KALRN: variants seen among roughly 807,000 people sequenced by gnomAD.
KALRN encodes the protein kalirin RhoGEF kinase, also known as kalirin.
In KALRN, 70 loss-of-function variants were observed where a neutral mutation model predicts 353.7. The ratio of observed to expected loss-of-function variants is 0.20; its 90% CI spans 0.16 to 0.24. The LOEUF is 0.24. Among genes scored for constraint, KALRN ranks in the 10% least tolerant of loss-of-function variants. KALRN has a pLI of 1.00. For synonymous variants in KALRN, 1,391 were observed against 1,434.8 expected (o/e 0.97, Z 0.69); for missense variants, 2,791 against 3,756.7 (o/e 0.74, Z 6.72).
intron 17 of KALRN, among the ~76,000 whole-genome samples, chr3:124,434,772 G>GA (rs2093404555): frequency 6.6e-6 from 1 of 152,242 alleles, no homozygotes; most frequent in Non-Finnish European, 1.5e-5. Context: ...TGTTGAAATA[G>GA]AAATTGGGTG....
chr3:124,310,312 T>G (rs2078126638), intron 6 of KALRN, among the ~76,000 whole-genome samples: 1 of 152,200 alleles, frequency 6.6e-6, no homozygotes, highest in African/African-American at 2.4e-5. Flanking sequence ...TTAGAAGACT[T>G]AATATTGTTA....
chr3:124,403,067 T>C (rs1181976421), intron 13 of KALRN, among the ~76,000 whole-genome samples: 1 of 152,206 alleles, frequency 6.6e-6, no homozygotes, highest in East Asian at 1.9e-4. Flanking sequence ...TAATTTGAAA[T>C]GTGCTGAAAG....
intron 5 of KALRN, among the ~76,000 whole-genome samples, chr3:124,297,563 C>G (rs527688474): frequency 6.6e-6 from 1 of 152,320 alleles, no homozygotes; most frequent in African/African-American, 2.4e-5. Flanking sequence ...AACCATTTTT[C>G]TCTTCCCTTC....
At chr3:124,311,604 G>A (rs1338423139) in intron 6 of KALRN, among the ~76,000 whole-genome samples, 3 of 152,190 alleles carry the variant, frequency 2.0e-5, no homozygotes, top group Admixed American at 6.5e-5. Flanking sequence ...AATAGTTAGA[G>A]TTGCCATATG....
rs151193964 is a variant in KALRN at position 124,676,724 on chromosome 3, C to G, written c.7194-1466C>G. Among the ~76,000 whole-genome samples, 680 of 152,320 alleles carry G rather than the reference C, an allele frequency of 4.5e-3. 2 individuals carry two copies. The highest frequency in any genetic ancestry group is 6.6e-3 in the Non-Finnish European group (452 of 68,032). ...CTGGGAGTCCTTTCAGCAGGGATCT[C>G]CCTGACTCAAGTTGTTCTCAGAAGG... On this transcript the variant is annotated intron_variant, in intron 49 of 59. Coordinates refer to ENST00000682506, the MANE Select transcript of KALRN (RefSeq NM_001388419.1).
rs1175482214 is a variant in KALRN at position 124,442,008 on chromosome 3, A to G, written c.3262A>G (p.Ser1088Gly). Residue 1088 changes from serine (S) to glycine (G), a missense_variant, in exon 19 of 60, where the codon AGC (serine) becomes GGC (glycine). Physicochemically the swap from Ser to Gly is moderately conservative, Grantham distance 56 (BLOSUM62 0). This residue lies in a region of KALRN where 268 missense variants were observed against 347.0 expected (regional missense o/e 0.77). Transcript: ENST00000682506. Reference sequence around the variant, plus strand: ...CAAGTACATCCACAGGAACAACGTCAGCATGCCCAGTGTCGCCAGCCACAC... The same window carrying G: ...CAAGTACATCCACAGGAACAACGTCGGCATGCCCAGTGTCGCCAGCCACAC... ...FLKYIHRNNV[S>G]MPSVASHTRG... is the part of the protein sequence containing the mutation. 6.2e-7 allele frequency: 1 copy of G among 1,607,812 alleles called. No homozygotes were observed. Among genetic ancestry groups the G allele is most frequent in the Non-Finnish European group, 8.5e-7 (1 of 1,175,232 alleles).
At position 124,271,551 on chromosome 3, in the gene KALRN, T is replaced by G. The variant is rs528450544; in HGVS notation, c.969+2296T>G. On this transcript the variant is annotated intron_variant, in intron 5 of 59. Coordinates refer to ENST00000682506, the MANE Select transcript of KALRN (RefSeq NM_001388419.1). The stretch of plus-strand genomic sequence containing the variant: ...AATTACTACTTTACAGTTGAAGAAA[T>G]GGAAACTCAGAGAGGTGAAGTGGCT... 5.9e-5 allele frequency among the ~76,000 whole-genome samples: 9 copies of G among 152,314 alleles called. No homozygotes were observed. The East Asian group carries it at 1.7e-3, about 29-fold the overall frequency.
In KALRN at chr3:124,334,314, G is replaced by A; in HGVS notation, c.1466G>A (p.Ser489Asn). 1 of 1,614,234 alleles carries A rather than the reference G, an allele frequency of 6.2e-7. No individual in the cohort carries two copies. Among genetic ancestry groups the A allele is most frequent in the Non-Finnish European group, 8.5e-7 (1 of 1,180,040 alleles). ...CTTGATGTGCTGCAGCGGCCCCTGA[G>A]CCCTGGGAACTCCGAATCCCTCACG... ...ALLDVLQRPL[S>N]PGNSESLTAT... The change falls in exon 9 of 60, where the codon AGC becomes AAC. Residue 489 changes from serine (S) to asparagine (N), a missense_variant. This residue lies in a region of KALRN where 366 missense variants were observed against 489.2 expected (regional missense o/e 0.75). Transcript: ENST00000682506. The surrounding 1 kb of genome is among the most constrained non-coding windows in gnomAD (Gnocchi z 4.2).
chr3:124,674,438 A>C lies in KALRN; in HGVS notation c.7017A>C (p.Glu2339Asp). ...ATTACTATGCACTGAAGGAGAATGAAATCTGTGTGAGCCAAGGTGAGGTGG... is the reference window on the plus strand; with the variant it reads ...ATTACTATGCACTGAAGGAGAATGACATCTGTGTGAGCCAAGGTGAGGTGG... ...IKDYYALKEN[E>D]ICVSQGEVVQ... Residue 2339 changes from glutamate (E) to aspartate (D), a missense_variant, in exon 49 of 60, where the codon GAA becomes GAC. Glu to Asp is a conservative substitution (Grantham distance 45). Coordinates refer to ENST00000682506, the MANE Select transcript of KALRN (RefSeq NM_001388419.1). 6.2e-7 allele frequency: 1 copy of C among 1,614,026 alleles called. No individual in the cohort carries two copies. Among genetic ancestry groups the C allele is most frequent in the Non-Finnish European group, 8.5e-7 (1 of 1,179,984 alleles).
In KALRN at chr3:124,666,453, C is replaced by T. The variant is rs2085638333; in HGVS notation, c.6350C>T (p.Thr2117Ile). The change falls in exon 46 of 60, where the codon ACT (threonine) becomes ATT (isoleucine). Residue 2117 changes from threonine to isoleucine, a missense_variant. Coordinates refer to ENST00000682506, the MANE Select transcript of KALRN (RefSeq NM_001388419.1). ...CCCAGCCCGTCTTTCCTTCAGGGCA[C>T]TCTGACTGCTCAGGGGAAGCTGCTG... ...NLGRLQGFEG[T>I]LTAQGKLLQQ... 3 of 1,613,926 alleles carry T rather than the reference C, an allele frequency of 1.9e-6. No homozygotes were observed. The highest frequency in any genetic ancestry group is 2.5e-6 in the Non-Finnish European group (3 of 1,179,840).
At chr3:124,433,610 A>G (rs1379083560) in intron 16 of KALRN, among the ~76,000 whole-genome samples, 1 of 151,254 alleles carries the variant, frequency 6.6e-6, no homozygotes, top group African/African-American at 2.4e-5. Context: ...AAAAAAAAAA[A>G]AAAAAAGGAA....
At chr3:124,235,572 G>A (rs564105066) in intron 3 of KALRN, among the ~76,000 whole-genome samples, 3 of 152,128 alleles carry the variant, frequency 2.0e-5, no homozygotes, top group Non-Finnish European at 4.4e-5. Flanking sequence ...AGAGCCCTGA[G>A]GAGCAATCTA....
rs138681980 is a variant in KALRN, at chr3:124,690,749, G to A, written c.7378-3055G>A. ...CTGCACTTCCTCCAGGGTTTTGGAG[G>A]AGCACATGAAGGAGTTTGTGAGTAG... On this transcript the variant is annotated intron_variant, in intron 51 of 59. Transcript: ENST00000682506. 2.0e-4 allele frequency among the ~76,000 whole-genome samples: 31 copies of A among 152,322 alleles called. No homozygotes were observed. In the East Asian group the frequency reaches 5.8e-3, roughly 28 times the overall value.
intron 50 of KALRN, 35 bp downstream of exon 50, chr3:124,678,348 G>A (rs754853877): frequency 9.3e-6 from 15 of 1,608,680 alleles, no homozygotes; most frequent in Non-Finnish European, 1.3e-5. Flanking sequence ...GTCCCCACCT[G>A]TCATCCACTC....
At chr3:124,610,958 C>T (rs1385973497) in intron 34 of KALRN, among the ~76,000 whole-genome samples, 1 of 152,098 alleles carries the variant, frequency 6.6e-6, no homozygotes, top group South Asian at 2.1e-4. Context: ...CCTGGGAGAT[C>T]GAGACTGCAG....
At chr3:124,113,098 G>A (rs1051598894) in intron 1 of KALRN, among the ~76,000 whole-genome samples, 1 of 152,178 alleles carries the variant, frequency 6.6e-6, no homozygotes, top group Non-Finnish European at 1.5e-5. Flanking sequence ...TTTTCAGGCA[G>A]TATGCTGAGT....
chr3:124,063,807 G>C (rs1172478902), intron 1 of KALRN, among the ~76,000 whole-genome samples: 1 of 152,110 alleles, frequency 6.6e-6, no homozygotes, highest in Non-Finnish European at 1.5e-5. Context: ...AGCATGTCTC[G>C]AGGGTGTTCC....
At position 124,632,639 on chromosome 3, in the gene KALRN, G is replaced by T. The variant is rs758392093; in HGVS notation, c.5402G>T (p.Ser1801Ile). 4.3e-6 allele frequency: 7 copies of T among 1,614,070 alleles called. No homozygotes were observed. The African/African-American group carries it at 8.0e-5, about 18-fold the overall frequency. Residue 1801 changes from serine to isoleucine, a missense_variant, in exon 35 of 60, where the codon AGC becomes ATC. This residue lies in a region of KALRN where 1,065 missense variants were observed against 1,156.4 expected (regional missense o/e 0.92). Transcript: ENST00000682506. ...AAGAAAGTTCGCGATGGTCGGAAGA[G>T]CTTTGACCTGGGATCTCCCAAGCCT... Reference protein sequence around the residue: ...KQKKVRDGRKSFDLGSPKPGD... With the variant: ...KQKKVRDGRKIFDLGSPKPGD...
At chr3:124,496,274 C>A (rs940747086) in intron 32 of KALRN, 37 bp from the exon 33 acceptor site, 22 of 1,527,636 alleles carry the variant, frequency 1.4e-5, no homozygotes, top group African/African-American at 5.5e-5. Context: ...TGGTTCCCCC[C>A]ACCCCCACCC....
Sources: allele counts gnomAD v4.1 joint callset (sites outside exome capture counted in the v4.1 genomes callset), GRCh38; gene constraint gnomAD v4.1.1; regional missense constraint gnomAD v4.1.1; non-coding constraint Gnocchi (gnomAD v3.1); transcripts MANE v1.5; gene names NCBI Gene and HGNC (gene_info 2026-07-23, HGNC 2026-07-21).